The following RPTOR variants were observed in gnomAD, a reference collection of about 807,000 sequenced individuals.
RPTOR encodes regulatory associated protein of MTOR complex 1.
RPTOR carries 21 observed loss-of-function variants against 169.9 expected under a neutral mutation model. The observed-to-expected ratio is 0.12, with a 90% CI of 0.09 to 0.18. The LOEUF is 0.18. Among genes scored for constraint, RPTOR ranks in the 10% least tolerant of loss-of-function variants. The pLI, the probability that RPTOR is intolerant of heterozygous loss-of-function variation, is 1.00. For synonymous variants in RPTOR, 732 were observed against 753.2 expected (o/e 0.97, Z 0.46); for missense variants, 1,133 against 1,855.9 (o/e 0.61, Z 7.16).
chr17:80,831,843 ATCCCTGTGTG>A lies in RPTOR; in HGVS notation c.1137-6077_1137-6068del, dbSNP rs111926829. On this transcript the variant is annotated intron_variant, in intron 9 of 33. Transcript: ENST00000306801. ...CATGTATCCCTGTGTGTCACTGTGT[ATCCCTGTGTG>A]TGCCTGTATGTCACCGTGTATCCCT... 1.2e-3 allele frequency among the ~76,000 whole-genome samples: 32 copies of A among 27,152 alleles called. No individual in the cohort carries two copies. The East Asian group carries it at 0.054, about 46-fold the overall frequency. The allele number at this position is 27,152 out of a possible 152,430, so 17.8% of individuals were successfully genotyped here. A position where few individuals can be genotyped will look rare whatever the true frequency, so the allele number is the denominator to read the frequency against.
chr17:80,671,319 A>T (rs891887694), intron 3 of RPTOR, among the ~76,000 whole-genome samples: 9 of 151,722 alleles, frequency 5.9e-5, no homozygotes, highest in African/African-American at 9.7e-5. Context: ...CGTGCGTGTG[A>T]GAGAGAGAGA....
chr17:80,893,646 A>T, intron 19 of RPTOR, 61 bp from the exon 20 acceptor site: 1 of 1,544,494 alleles, frequency 6.5e-7, no homozygotes, highest in Non-Finnish European at 8.7e-7. Context: ...CATGCCATTA[A>T]CTGTAAGACC....
At chr17:80,594,212 G>T (rs943442436) in intron 1 of RPTOR, among the ~76,000 whole-genome samples, 2 of 152,098 alleles carry the variant, frequency 1.3e-5, no homozygotes, top group Non-Finnish European at 2.9e-5. Context: ...TCCTGCCTCA[G>T]CCTCCCGAGT....
chr17:80,697,784 C>T (rs367937210), intron 3 of RPTOR, among the ~76,000 whole-genome samples: 97 of 152,230 alleles, frequency 6.4e-4, no homozygotes, highest in African/African-American at 2.0e-3. Flanking sequence ...TCTCAGGGGC[C>T]GGTGGCCTGA....
chr17:80,877,060 C>T lies in RPTOR; in HGVS notation c.1510-3355C>T, dbSNP rs1165929513. On this transcript the variant is annotated intron_variant, in intron 13 of 33. Coordinates refer to ENST00000306801, the MANE Select transcript of RPTOR (RefSeq NM_020761.3). The stretch of plus-strand genomic sequence containing the variant: ...CGTGCCGCCCAGGATGTGTGTGTGT[C>T]GCCTGCTGGGTCTTCCCACTGAGCC... 1.2e-4 allele frequency among the ~76,000 whole-genome samples: 17 copies of T among 147,624 alleles called. 1 individual carries two copies. Among genetic ancestry groups the T allele is most frequent in the Non-Finnish European group, 1.5e-5 (1 of 67,154 alleles).
rs149125700 is a variant in RPTOR, at chr17:80,880,473, C to T, written c.1568C>T (p.Ala523Val). Residue 523 changes from alanine to valine, a missense_variant, in exon 14 of 34, where the codon GCG becomes GTG. Around this residue, in one of 9 missense-constraint regions of RPTOR, gnomAD observed 289 missense variants for 585.8 expected, o/e 0.49. Coordinates refer to ENST00000306801, the MANE Select transcript of RPTOR (RefSeq NM_020761.3). ...NGHKYFLSVL[A>V]DPYMPAEHRT... ...CACAAGTACTTCCTGTCGGTCCTGG[C>T]GGACCCCTACATGCCAGTAAGGACG... 5.1e-5 allele frequency: 82 copies of T among 1,613,480 alleles called. No individual in the cohort carries two copies. Among genetic ancestry groups the T allele is most frequent in the Admixed American group, 1.0e-4 (6 of 60,008 alleles).
chr17:80,713,621 C>T (rs145553468), intron 4 of RPTOR, among the ~76,000 whole-genome samples: 4 of 152,148 alleles, frequency 2.6e-5, no homozygotes, highest in African/African-American at 4.8e-5. Context: ...GAAAGGGAAA[C>T]GATATACTAT....
intron 6 of RPTOR, chr17:80,774,327 G>A (rs2066873000): frequency 1.0e-6 from 1 of 985,306 alleles, no homozygotes; most frequent in Admixed American, 6.1e-5. Flanking sequence ...GCAATGTCAT[G>A]TAAGCTGTTG....
intron 26 of RPTOR, among the ~76,000 whole-genome samples, chr17:80,946,999 T>G (rs2069111959): frequency 6.6e-6 from 1 of 151,760 alleles, no homozygotes; most frequent in African/African-American, 2.4e-5. Context: ...TTTGTTTGTT[T>G]GGAGACAAGG....
At chr17:80,835,202 AT>A (rs1272598312) in intron 9 of RPTOR, among the ~76,000 whole-genome samples, 1 of 152,204 alleles carries the variant, frequency 6.6e-6, no homozygotes, top group African/African-American at 2.4e-5. Flanking sequence ...TATATTTCAT[AT>A]ATTTGAAAGT....
intron 13 of RPTOR, among the ~76,000 whole-genome samples, chr17:80,874,958 C>T (rs1187489868): frequency 6.6e-6 from 1 of 152,218 alleles, no homozygotes; most frequent in South Asian, 2.1e-4. Flanking sequence ...TCTGTGTTCA[C>T]GTCAGAACGC....
intron 27 of RPTOR, among the ~76,000 whole-genome samples, chr17:80,948,921 C>T (rs529562465): frequency 1.6e-4 from 25 of 152,278 alleles, no homozygotes; most frequent in Admixed American, 1.4e-3. Context: ...AGAGCCCAGA[C>T]GTCTGCATTG....
At chr17:80,836,657 G>C (rs894165350) in intron 9 of RPTOR, among the ~76,000 whole-genome samples, 8 of 152,202 alleles carry the variant, frequency 5.3e-5, no homozygotes, top group African/African-American at 1.4e-4. Context: ...AAAGGCTTAG[G>C]GGGGCTGTGT....
chr17:80,877,684 C>T (rs901885110), intron 13 of RPTOR, among the ~76,000 whole-genome samples: 1 of 152,196 alleles, frequency 6.6e-6, no homozygotes, highest in East Asian at 1.9e-4. Context: ...TTGCCCTGGC[C>T]CTCTGGGCTG....
chr17:80,939,966 C>T (rs531320631), intron 24 of RPTOR, among the ~76,000 whole-genome samples: 2 of 152,190 alleles, frequency 1.3e-5, no homozygotes, highest in Admixed American at 6.5e-5. Context: ...TGAACACAGG[C>T]GTGGAGAGCG....
chr17:80,602,717 T>G (rs2065199280), intron 1 of RPTOR: 1 of 763,380 alleles, frequency 1.3e-6, no homozygotes, highest in African/African-American at 1.7e-5. Flanking sequence ...CCCAGACAGC[T>G]TTGTTGAGCC....
At chr17:80,724,148 C>T (rs2066310105) in intron 4 of RPTOR, among the ~76,000 whole-genome samples, 1 of 151,248 alleles carries the variant, frequency 6.6e-6, no homozygotes, top group South Asian at 2.1e-4. Flanking sequence ...CAAGCCCAAG[C>T]ACTCTTCTCT....
intron 1 of RPTOR, among the ~76,000 whole-genome samples, chr17:80,624,898 C>T (rs926287174): frequency 6.6e-6 from 1 of 152,118 alleles, no homozygotes; most frequent in Non-Finnish European, 1.5e-5. Context: ...GGAGCTCTGC[C>T]GGGAGGAAAG....
In RPTOR at chr17:80,874,420, C is replaced by G. The variant is rs190635048; in HGVS notation, c.1510-5995C>G. ...CCGTGTTAGCCAGGATGGTCTCCGT[C>G]TCTTAACCTCATGATCCACCCGCCT... On this transcript the variant is annotated intron_variant, in intron 13 of 33. Transcript: ENST00000306801. Among the ~76,000 whole-genome samples the G allele has an allele frequency of 1.4e-4, 21 of 152,304 alleles. No homozygotes were observed. The East Asian group carries it at 4.0e-3, about 29-fold the overall frequency.
Sources: allele counts gnomAD v4.1 joint callset (sites outside exome capture counted in the v4.1 genomes callset), GRCh38; gene constraint gnomAD v4.1.1; regional missense constraint gnomAD v4.1.1; transcripts MANE v1.5; gene names NCBI Gene and HGNC (gene_info 2026-07-23, HGNC 2026-07-21).